HYDIN: variants seen among roughly 807,000 people sequenced by gnomAD.
HYDIN encodes the protein axonemal central pair apparatus protein HYDIN.
Under a neutral mutation model 403.9 loss-of-function variants are expected in HYDIN, and 132 were observed. That is an observed-to-expected ratio of 0.33 (90% CI 0.28 to 0.38). HYDIN has a LOEUF of 0.38. Among genes scored for constraint, HYDIN ranks in the 10% least tolerant of loss-of-function variants. HYDIN has a pLI of 1.00. For synonymous variants in HYDIN, 1,202 were observed against 1,891.7 expected (o/e 0.64, Z 9.46); for missense variants, 2,827 against 5,009.5 (o/e 0.56, Z 13.15).
rs555689622 is a variant in HYDIN, at chr16:70,821,564, C to T, written c.14428-2992G>A. 8.0e-4 allele frequency among the ~76,000 whole-genome samples: 122 copies of T among 152,098 alleles called. 1 individual carries two copies. The highest frequency in any genetic ancestry group is 2.7e-3 in the African/African-American group (112 of 41,410). ...AGAACTCTAGGATAGCCATTGTTAT[C>T]GCTGTCCCTCTCGCTGTAATATGTA... On this transcript the variant is annotated intron_variant, in intron 83 of 85. Transcript: ENST00000393567.
Position 70,810,023 on chromosome 16 carries a change from G to A in HYDIN, c.14659-16C>T, listed in dbSNP as rs754017332. 5 of 1,612,034 alleles carry A rather than the reference G, an allele frequency of 3.1e-6. No individual in the cohort carries two copies. The African/African-American group carries it at 5.3e-5, about 17-fold the overall frequency. ...AGAACGTGCCCTGGAAGAGAAAACA[G>A]AGGATCCTGTCATGCTGAAAGGCTA... On this transcript the variant is annotated splice_polypyrimidine_tract_variant and intron_variant, in intron 84 of 85. Coordinates refer to ENST00000393567, the MANE Select transcript of HYDIN (RefSeq NM_001270974.2).
chr16:70,892,570 C>G, intron 55 of HYDIN, 41 bp from the exon 56 acceptor site: 3 of 1,579,374 alleles, frequency 1.9e-6, no homozygotes, highest in Non-Finnish European at 2.6e-6. Context: ...GTCATTATCC[C>G]GGGAACTCAA....
chr16:70,980,336 TAA>T (rs58808669), intron 29 of HYDIN, among the ~76,000 whole-genome samples: 1 of 143,076 alleles, frequency 7.0e-6, no homozygotes. Flanking sequence ...GATCCTATCA[TAA>T]AAAAAAAAAA....
At chr16:71,171,715 C>A (rs1410636579) in intron 5 of HYDIN, among the ~76,000 whole-genome samples, 1 of 152,190 alleles carries the variant, frequency 6.6e-6, no homozygotes, top group African/African-American at 2.4e-5. Context: ...AGACATCTTA[C>A]TGTTAATTGA....
In HYDIN at chr16:70,970,520, CT is replaced by C; in HGVS notation, c.5618del (p.Lys1873ArgfsTer6). 2 of 1,594,166 alleles carry C rather than the reference CT, an allele frequency of 1.3e-6. No homozygotes were observed. Among genetic ancestry groups the C allele is most frequent in the Non-Finnish European group, 1.7e-6 (2 of 1,166,734 alleles). On this transcript the variant is annotated frameshift_variant and splice_region_variant, in exon 36 of 86. Transcript: ENST00000393567. LOFTEE classifies it high-confidence loss of function. ...EFDQQYLIEE[K>X]ILRKLKGYDS... The stretch of plus-strand genomic sequence containing the variant: ...ACAGTTTGGTTTGACCTCTGCTCAC[CT>C]TTTCTTCTATGAGATACTGCTGATC...
chr16:70,960,631 C>T (rs2078383066), intron 38 of HYDIN, among the ~76,000 whole-genome samples: 1 of 151,886 alleles, frequency 6.6e-6, no homozygotes, highest in African/African-American at 2.4e-5. Flanking sequence ...CTGTAACTTG[C>T]TTTTCACATA....
chr16:70,853,511 G>A (rs1243591980), intron 73 of HYDIN, among the ~76,000 whole-genome samples: 1 of 148,642 alleles, frequency 6.7e-6, no homozygotes, highest in Non-Finnish European at 1.5e-5. Context: ...TCCCTACTAT[G>A]GAATGGTAGC....
At chr16:71,007,035 T>A (rs551099024) in intron 23 of HYDIN, among the ~76,000 whole-genome samples, 5 of 129,942 alleles carry the variant, frequency 3.8e-5, no homozygotes, top group African/African-American at 1.4e-4. Context: ...TCTATCCCTC[T>A]CTTCTCTTCT....
At position 70,886,725 on chromosome 16, in the gene HYDIN, G is replaced by A. The variant is rs1253320917; in HGVS notation, c.9775-2601C>T. Among the ~76,000 whole-genome samples, 3 of 152,218 alleles carry A rather than the reference G, an allele frequency of 2.0e-5. No homozygotes were observed. The East Asian group carries it at 5.8e-4, about 29-fold the overall frequency. On this transcript the variant is annotated intron_variant, in intron 58 of 85. Transcript: ENST00000393567. ...CCACAGTTATTGGTTCTCTACACTT[G>A]AAAATATTGTGCCACTTTCTTTTGG...
intron 18 of HYDIN, among the ~76,000 whole-genome samples, chr16:71,043,931 A>AG (rs1491082811): frequency 2.0e-5 from 3 of 151,466 alleles, no homozygotes; most frequent in South Asian, 4.2e-4. Flanking sequence ...TAAAAAAAAA[A>AG]GAAAGAAAGA....
chr16:71,197,047 A>G (rs2144694410), intron 1 of HYDIN, among the ~76,000 whole-genome samples: 1 of 152,242 alleles, frequency 6.6e-6, no homozygotes, highest in South Asian at 2.1e-4. Context: ...CTTGACCTGA[A>G]TTCTTTCTTG....
intron 45 of HYDIN, among the ~76,000 whole-genome samples, chr16:70,933,249 G>A (rs2077401943): frequency 6.6e-6 from 1 of 152,166 alleles, no homozygotes; most frequent in African/African-American, 2.4e-5. Context: ...CAGGGCTCCT[G>A]GTTGGTCATG....
intron 1 of HYDIN, among the ~76,000 whole-genome samples, chr16:71,212,232 T>C (rs1424763212): frequency 2.6e-5 from 4 of 152,348 alleles, no homozygotes; most frequent in East Asian, 1.9e-4. Context: ...GATAACAGTA[T>C]TGTGGTTATG....
chr16:71,196,296 C>G (rs1321097949), intron 1 of HYDIN, among the ~76,000 whole-genome samples: 1 of 152,144 alleles, frequency 6.6e-6, no homozygotes, highest in Non-Finnish European at 1.5e-5. Flanking sequence ...AATCAATGGG[C>G]TGTGTAAAGT....
chr16:70,809,125 A>C (rs529235208), intron 85 of HYDIN, among the ~76,000 whole-genome samples: 9 of 152,316 alleles, frequency 5.9e-5, no homozygotes, highest in East Asian at 3.9e-4. Flanking sequence ...TATGTTGCCC[A>C]GGCTGGTCTT....
chr16:70,908,155 G>C (rs1024016063), intron 49 of HYDIN, 97 bp downstream of exon 49: 18 of 1,029,112 alleles, frequency 1.7e-5, no homozygotes, highest in African/African-American at 1.1e-4. Context: ...TGCTGCCCCA[G>C]CTCCACGTTA....
intron 36 of HYDIN, among the ~76,000 whole-genome samples, chr16:70,967,154 G>C (rs1401033863): frequency 1.3e-5 from 2 of 152,266 alleles, no homozygotes; most frequent in East Asian, 3.9e-4. Context: ...TGTAGCTCAA[G>C]GTAGGGCAGC....
At chr16:71,043,131 A>G (rs2144203193) in intron 18 of HYDIN, among the ~76,000 whole-genome samples, 1 of 151,022 alleles carries the variant, frequency 6.6e-6, no homozygotes, top group Non-Finnish European at 1.5e-5. Context: ...TTTTTCCTCT[A>G]GTGTTTCTGT....
In HYDIN at chr16:71,110,413, A is replaced by AT. The variant is rs1462327559; in HGVS notation, c.1327+5282dup. Among the ~76,000 whole-genome samples the AT allele has an allele frequency of 8.8e-3, 1,249 of 141,410 alleles. 16 individuals carry two copies. Among genetic ancestry groups the AT allele is most frequent in the African/African-American group, 0.032 (1,209 of 38,252 alleles). 92.8% of individuals were successfully genotyped at this position (141,410 alleles called of 152,430 possible). ...TTTTATATATATATTTATATATAAT[A>AT]TATTTATATATAATTATAAATATAT... is the stretch of plus-strand genomic sequence containing the variant. On this transcript the variant is annotated intron_variant, in intron 10 of 85. Transcript: ENST00000393567.
Sources: gnomAD v4.1 joint callset for allele counts (sites outside exome capture counted in the v4.1 genomes callset) on GRCh38, gnomAD v4.1.1 for gene constraint, MANE v1.5 for transcripts, NCBI Gene and HGNC (gene_info 2026-07-23, HGNC 2026-07-21) for gene names.